The following R3HDM2 variants were observed in gnomAD, a reference collection of about 807,000 sequenced individuals.
R3HDM2 encodes the protein R3H domain containing 2.
A neutral mutation model predicts 124.5 loss-of-function variants in R3HDM2; 38 were observed. The ratio of observed to expected loss-of-function variants is 0.31; its 90% CI spans 0.24 to 0.40. The LOEUF (loss-of-function observed/expected upper bound fraction) is 0.40. Ranked by LOEUF, R3HDM2 falls within the 10% of genes least tolerant of loss-of-function variation. R3HDM2 has a pLI of 1.00. For synonymous variants in R3HDM2, 391 were observed against 448.0 expected, an observed-to-expected ratio of 0.87 and a Z score of 1.61; for missense variants, 869 against 1,236.9, an observed-to-expected ratio of 0.70 and a Z score of 4.46.
intron 2 of R3HDM2, among the ~76,000 whole-genome samples, chr12:57,376,274 A>G (rs1372547928): frequency 2.6e-5 from 4 of 152,238 alleles, no homozygotes; most frequent in Non-Finnish European, 5.9e-5. Flanking sequence ...TTCCTGCCTA[A>G]GCAGCCCCAA....
At chr12:57,261,962 G>A (rs1037107421) in intron 19 of R3HDM2, among the ~76,000 whole-genome samples, 2 of 152,102 alleles carry the variant, frequency 1.3e-5, no homozygotes, top group Non-Finnish European at 2.9e-5. Flanking sequence ...CAGAAAGGTC[G>A]ATTGGGCACA....
At chr12:57,343,228 T>C (rs1184523704) in intron 2 of R3HDM2, among the ~76,000 whole-genome samples, 1 of 150,244 alleles carries the variant, frequency 6.7e-6, no homozygotes, top group Non-Finnish European at 1.5e-5. Flanking sequence ...TTCACTCTTG[T>C]TGCCCAAGCT....
chr12:57,370,978 T>G (rs1164061499), intron 2 of R3HDM2, among the ~76,000 whole-genome samples: 1 of 150,876 alleles, frequency 6.6e-6, no homozygotes, highest in Non-Finnish European at 1.5e-5. Context: ...TCTGGGCCAG[T>G]AGAACTGATT....
chr12:57,395,696 C>A, intron 2 of R3HDM2, 53 bp downstream of exon 2: 1 of 771,670 alleles, frequency 1.3e-6, no homozygotes. Flanking sequence ...AGATGTATAA[C>A]AATTTGTTGC....
chr12:57,322,510 T>C (rs1431999476), intron 2 of R3HDM2, among the ~76,000 whole-genome samples: 3 of 152,168 alleles, frequency 2.0e-5, no homozygotes, highest in African/African-American at 7.2e-5. Context: ...TTTATGTACT[T>C]CAACTCATAT....
At chr12:57,310,529 G>A (rs1034648356) in intron 2 of R3HDM2, 66 bp from the exon 3 acceptor site, 20 of 848,246 alleles carry the variant, frequency 2.4e-5, no homozygotes, top group South Asian at 5.3e-5. Flanking sequence ...CACAAGACTC[G>A]TATTTCACAC....
chr12:57,330,944 C>T (rs1224366034), intron 2 of R3HDM2, among the ~76,000 whole-genome samples: 2 of 151,478 alleles, frequency 1.3e-5, no homozygotes, highest in South Asian at 2.1e-4. Flanking sequence ...GTGATCTGCC[C>T]GCCTCGGCCT....
chr12:57,313,400 A>AT (rs1256041571), intron 2 of R3HDM2, among the ~76,000 whole-genome samples: 4 of 151,574 alleles, frequency 2.6e-5, no homozygotes, highest in Non-Finnish European at 5.9e-5. Context: ...TCTCTACAAA[A>AT]TTTTTTTTAA....
Position 57,256,093 on chromosome 12 carries a change from G to T in R3HDM2, c.2548-19C>A. 1.2e-6 allele frequency: 2 copies of T among 1,601,158 alleles called. No homozygotes were observed. The highest frequency in any genetic ancestry group is 1.7e-6 in the Non-Finnish European group (2 of 1,168,146). ...TCTGTCCCTTCAACATTTGAAAGAC[G>T]ACTCTCATCCCATGTAAACAACATT... is the stretch of plus-strand genomic sequence containing the variant. On this transcript the variant is annotated intron_variant, in intron 22 of 23. Coordinates refer to ENST00000402412, the MANE Select transcript of R3HDM2 (RefSeq NM_001394031.1).
chr12:57,422,716 C>T (rs1195592227), intron 1 of R3HDM2, among the ~76,000 whole-genome samples: 4 of 152,210 alleles, frequency 2.6e-5, no homozygotes, highest in Admixed American at 2.6e-4. Context: ...TAATTCACAT[C>T]TACAATCCCA....
At chr12:57,384,483 C>A (rs1253563191) in intron 2 of R3HDM2, among the ~76,000 whole-genome samples, 2 of 152,078 alleles carry the variant, frequency 1.3e-5, no homozygotes, top group African/African-American at 4.8e-5. Flanking sequence ...AAGAGTACTT[C>A]TTTTGGAAGG....
chr12:57,295,518 G>T lies in R3HDM2; in HGVS notation c.702-11C>A, dbSNP rs1205697481. 6.5e-7 allele frequency: 1 copy of T among 1,539,948 alleles called. No individual in the cohort carries two copies. ...AACCTCTGTTCAGGGCTGAGATTTG[G>T]AGAGAAATGTGAAAGGAAAGGAGGA... On this transcript the variant is annotated splice_polypyrimidine_tract_variant and intron_variant, in intron 9 of 23. Coordinates refer to ENST00000402412, the MANE Select transcript of R3HDM2 (RefSeq NM_001394031.1).
At chr12:57,289,934 T>C (rs1244568149) in intron 11 of R3HDM2, among the ~76,000 whole-genome samples, 1 of 152,242 alleles carries the variant, frequency 6.6e-6, no homozygotes, top group African/African-American at 2.4e-5. Context: ...CTTTGGAGTA[T>C]GATGGGCTTT....
intron 2 of R3HDM2, among the ~76,000 whole-genome samples, chr12:57,380,452 T>C (rs2064698276): frequency 6.6e-6 from 1 of 152,168 alleles, no homozygotes; most frequent in African/African-American, 2.4e-5. Context: ...CAACACATCC[T>C]GCAAAGCCTA....
At chr12:57,336,243 G>A (rs6581137) in intron 2 of R3HDM2, among the ~76,000 whole-genome samples, 148,189 of 152,244 alleles carry the variant, frequency 0.97, 72,253 homozygotes, top group Middle Eastern at 1. Context: ...CAGTATGATG[G>A]TTCCTCAAAG....
chr12:57,397,109 A>T (rs1169981600), intron 1 of R3HDM2, among the ~76,000 whole-genome samples: 5 of 152,028 alleles, frequency 3.3e-5, no homozygotes, highest in African/African-American at 9.7e-5. Flanking sequence ...AAAAAAAAAA[A>T]TTGTCTAGAA....
chr12:57,339,963 A>G (rs1023597298), intron 2 of R3HDM2, among the ~76,000 whole-genome samples: 2 of 152,228 alleles, frequency 1.3e-5, no homozygotes, highest in Non-Finnish European at 2.9e-5. Context: ...AAAAGGGGAT[A>G]AAAAGAAACA....
At chr12:57,315,845 C>A (rs1412543825) in intron 2 of R3HDM2, among the ~76,000 whole-genome samples, 1 of 152,174 alleles carries the variant, frequency 6.6e-6, no homozygotes, top group African/African-American at 2.4e-5. Flanking sequence ...GTTGGCTGGG[C>A]GTGTTGGCTC....
intron 13 of R3HDM2, among the ~76,000 whole-genome samples, chr12:57,283,015 T>G (rs1434326766): frequency 6.6e-6 from 1 of 152,202 alleles, no homozygotes; most frequent in Non-Finnish European, 1.5e-5. Flanking sequence ...TTACAGAGCT[T>G]TCATGTGGAA....
Sources: gnomAD v4.1 joint callset for allele counts (sites outside exome capture counted in the v4.1 genomes callset) on GRCh38, gnomAD v4.1.1 for gene constraint, MANE v1.5 for transcripts, NCBI Gene and HGNC (gene_info 2026-07-23, HGNC 2026-07-21) for gene names.